The following IPO11 variants were observed in gnomAD, a reference collection of about 807,000 sequenced individuals.
IPO11 encodes the protein importin-11.
In IPO11, 66 loss-of-function variants were observed where a neutral mutation model predicts 143.2. That is an observed-to-expected ratio of 0.46 (90% CI 0.38 to 0.57). The LOEUF (loss-of-function observed/expected upper bound fraction) is 0.57. IPO11 is among the 20% of genes least tolerant of loss of function. The probability of loss-of-function intolerance (pLI) is 0.00; values close to 1 mark genes in which losing one functional copy is unlikely to be tolerated. For missense variants in IPO11, 1,026 were observed against 1,141.0 expected (o/e 0.90, Z 1.45); for synonymous variants, 385 against 377.8 (o/e 1.02, Z -0.22).
chr5:62,422,582 A>G (rs983603017), intron 1 of IPO11: 3 of 152,228 alleles, frequency 2.0e-5, no homozygotes, highest in East Asian at 3.8e-4. Flanking sequence ...GGGGGTGTCA[A>G]TATTGTTTAG....
chr5:62,528,673 G>T (rs1742445790), intron 21 of IPO11, among the ~76,000 whole-genome samples: 1 of 152,122 alleles, frequency 6.6e-6, no homozygotes, highest in South Asian at 2.1e-4. Flanking sequence ...AGATAGGGAG[G>T]TGTTCCATCC....
chr5:62,455,746 C>T (rs942655669), intron 5 of IPO11, among the ~76,000 whole-genome samples: 5 of 151,216 alleles, frequency 3.3e-5, no homozygotes. Flanking sequence ...TGATTTGACA[C>T]AAAAAGGAAT....
intron 15 of IPO11, among the ~76,000 whole-genome samples, chr5:62,493,767 C>T (rs769172597): frequency 6.6e-6 from 1 of 152,090 alleles, no homozygotes; most frequent in Non-Finnish European, 1.5e-5. Context: ...TGGGGTTTCA[C>T]CATGTTGCCC....
At chr5:62,440,646 T>C (rs962366454) in intron 2 of IPO11, among the ~76,000 whole-genome samples, 8 of 148,302 alleles carry the variant, frequency 5.4e-5, no homozygotes, top group Admixed American at 2.0e-4. Flanking sequence ...CGTGAGCCAC[T>C]GCGCCCAGCC....
At chr5:62,494,527 T>C (rs1332908977) in intron 16 of IPO11, among the ~76,000 whole-genome samples, 1 of 152,098 alleles carries the variant, frequency 6.6e-6, no homozygotes, top group Non-Finnish European at 1.5e-5. Context: ...TTGGAATTAT[T>C]GGGCTCTTTT....
chr5:62,427,037 A>G (rs1302822563), intron 1 of IPO11, among the ~76,000 whole-genome samples: 1 of 142,848 alleles, frequency 7.0e-6, no homozygotes, highest in Non-Finnish European at 1.5e-5. Flanking sequence ...TCCTGGTTTC[A>G]AGCGATTCTC....
intron 1 of IPO11, among the ~76,000 whole-genome samples, chr5:62,420,180 A>C (rs888187514): frequency 6.6e-6 from 1 of 151,648 alleles, no homozygotes; most frequent in African/African-American, 2.4e-5. Context: ...AATCCCAGCT[A>C]CTTGGGAGGC....
chr5:62,559,996 T>G (rs1470604334), intron 26 of IPO11, among the ~76,000 whole-genome samples: 2 of 151,466 alleles, frequency 1.3e-5, no homozygotes, highest in Non-Finnish European at 2.9e-5. Flanking sequence ...CAGGTAGATG[T>G]TCACACTGCT....
At chr5:62,456,033 A>G (rs1561318371) in intron 5 of IPO11, among the ~76,000 whole-genome samples, 1 of 151,674 alleles carries the variant, frequency 6.6e-6, no homozygotes, top group East Asian at 1.9e-4. Flanking sequence ...CCAGGAATTC[A>G]TTTTCTTTTT....
intron 20 of IPO11, among the ~76,000 whole-genome samples, chr5:62,518,804 G>T (rs546505658): frequency 6.6e-6 from 1 of 152,204 alleles, no homozygotes; most frequent in South Asian, 2.1e-4. Flanking sequence ...TTTCTAGTCT[G>T]CATAGTTGAA....
At chr5:62,537,159 T>C (rs762553105) in intron 23 of IPO11, 50 bp from the exon 24 acceptor site, 1 of 1,085,952 alleles carries the variant, frequency 9.2e-7, no homozygotes, top group Admixed American at 1.9e-5. Flanking sequence ...TATGCCTTTT[T>C]GATATTACAG....
chr5:62,536,232 A>T (rs534671102), intron 22 of IPO11, among the ~76,000 whole-genome samples: 1 of 152,304 alleles, frequency 6.6e-6, no homozygotes, highest in East Asian at 1.9e-4. Flanking sequence ...TGGTAAAATG[A>T]TTCAGTTTCA....
At chr5:62,585,393 A>G (rs1184997512) in intron 27 of IPO11, among the ~76,000 whole-genome samples, 1 of 152,182 alleles carries the variant, frequency 6.6e-6, no homozygotes, top group Non-Finnish European at 1.5e-5. Flanking sequence ...TATAAATGCT[A>G]CTGACCAGGT....
At chr5:62,579,395 T>C in intron 27 of IPO11, 1 of 1,534,494 alleles carries the variant, frequency 6.5e-7, no homozygotes, top group Middle Eastern at 1.7e-4. Context: ...CCTTCTCTTT[T>C]TATAGCCAAT....
chr5:62,531,256 C>G (rs1742532670), intron 22 of IPO11, among the ~76,000 whole-genome samples: 1 of 152,206 alleles, frequency 6.6e-6, no homozygotes, highest in South Asian at 2.1e-4. Flanking sequence ...CAGCTTACTG[C>G]AGCTTCAAAC....
intron 20 of IPO11, among the ~76,000 whole-genome samples, chr5:62,523,903 AT>A (rs989037649): frequency 2.0e-5 from 3 of 149,992 alleles, no homozygotes; most frequent in African/African-American, 7.4e-5. Flanking sequence ...GGAGGATGCT[AT>A]TTTTTTTTAA....
chr5:62,516,964 C>T (rs773015135), intron 20 of IPO11, among the ~76,000 whole-genome samples: 171 of 151,154 alleles, frequency 1.1e-3, no homozygotes, highest in Non-Finnish European at 1.4e-3. Flanking sequence ...TTTGGGAGGC[C>T]GAGGCGGGTG....
chr5:62,487,891 T>C, intron 13 of IPO11, 30 bp downstream of exon 13: 6 of 1,573,812 alleles, frequency 3.8e-6, no homozygotes, highest in Admixed American at 1.8e-5. Flanking sequence ...TAACTTTGAG[T>C]TAATCTCTTT....
At position 62,525,491 on chromosome 5, in the gene IPO11, C is replaced by A. The variant is rs180939315; in HGVS notation, c.1897-651C>A. Among the ~76,000 whole-genome samples the A allele has an allele frequency of 6.6e-5, 10 of 152,176 alleles. No individual in the cohort carries two copies. In the South Asian group the frequency reaches 8.3e-4, roughly 13 times the overall value. On this transcript the variant is annotated intron_variant, in intron 20 of 29. Coordinates refer to ENST00000325324, the MANE Select transcript of IPO11 (RefSeq NM_016338.5). The stretch of plus-strand genomic sequence containing the variant: ...CTTGAATTCTAGGGCTCCAGCGATC[C>A]TCCTGCCTCAGTCTCCTGAGTAGCT...
Sources: allele counts gnomAD v4.1 joint callset (sites outside exome capture counted in the v4.1 genomes callset), GRCh38; gene constraint gnomAD v4.1.1; transcripts MANE v1.5; gene names NCBI Gene and HGNC (gene_info 2026-07-23, HGNC 2026-07-21).